CCDC80: variants seen among roughly 807,000 people sequenced by gnomAD.
The protein encoded by CCDC80 is coiled-coil domain-containing protein 80.
In CCDC80, 49 loss-of-function variants were observed where a neutral mutation model predicts 78.7. The observed-to-expected ratio is 0.62, with a 90% CI of 0.50 to 0.79. The LOEUF (loss-of-function observed/expected upper bound fraction) is 0.79. Among genes scored for constraint, CCDC80 ranks in the 30% least tolerant of loss-of-function variants. The pLI, the probability that CCDC80 is intolerant of heterozygous loss-of-function variation, is 0.00. For synonymous variants in CCDC80, 488 were observed against 447.0 expected (o/e 1.09, Z -1.16); for missense variants, 1,205 against 1,198.6 (o/e 1.01, Z -0.08).
chr3:112,610,757 A>G (rs932689510), intron 5 of CCDC80, among the ~76,000 whole-genome samples: 4 of 152,192 alleles, frequency 2.6e-5, no homozygotes, highest in Admixed American at 6.5e-5. Context: ...GCCTAGAACC[A>G]TAAGATTTTA....
chr3:112,617,331 T>G (rs554008450), intron 4 of CCDC80, among the ~76,000 whole-genome samples: 1 of 152,362 alleles, frequency 6.6e-6, no homozygotes, highest in South Asian at 2.1e-4. Flanking sequence ...TAAACATCAC[T>G]TAATATTAAG....
intron 3 of CCDC80, among the ~76,000 whole-genome samples, 173 bp downstream of exon 3, chr3:112,629,940 C>A (rs1170447187): frequency 1.3e-5 from 2 of 152,192 alleles, no homozygotes; most frequent in Non-Finnish European, 2.9e-5. Flanking sequence ...TAAACGAGAA[C>A]CATCCTGGAA....
chr3:112,637,373 G>C (rs1050044925), intron 2 of CCDC80, among the ~76,000 whole-genome samples: 1 of 152,156 alleles, frequency 6.6e-6, no homozygotes, highest in Non-Finnish European at 1.5e-5. Flanking sequence ...TAGGCTTTAA[G>C]GGGAGAAGAT....
intron 5 of CCDC80, among the ~76,000 whole-genome samples, chr3:112,613,630 C>T (rs964721593): frequency 6.6e-6 from 1 of 152,122 alleles, no homozygotes; most frequent in Non-Finnish European, 1.5e-5. Flanking sequence ...TAAAAAGACA[C>T]TCTACCTAGG....
intron 4 of CCDC80, among the ~76,000 whole-genome samples, chr3:112,618,555 C>G (rs781395027): frequency 6.6e-6 from 1 of 151,928 alleles, no homozygotes; most frequent in Non-Finnish European, 1.5e-5. Context: ...CAACCCCAAA[C>G]TCTTGTCCAC....
chr3:112,608,166 G>A (rs989609077), intron 6 of CCDC80, among the ~76,000 whole-genome samples: 2 of 152,190 alleles, frequency 1.3e-5, no homozygotes, highest in African/African-American at 2.4e-5. Flanking sequence ...GAGGACAAAG[G>A]GGCTGTCAAG....
chr3:112,619,105 C>A lies in CCDC80; in HGVS notation c.2036-1G>T. 1 of 1,567,652 alleles carries A rather than the reference C, an allele frequency of 6.4e-7. No individual in the cohort carries two copies. The highest frequency in any genetic ancestry group is 8.6e-7 in the Non-Finnish European group (1 of 1,161,034). On this transcript the variant is annotated splice_acceptor_variant, in intron 3 of 7. Transcript: ENST00000206423. LOFTEE classifies it high-confidence loss of function. ...ACCACTCGCATGGGCTTCTCATTATCTTAAGGGAAATAAAATGTGAATGAA... is the reference window on the plus strand; with the variant it reads ...ACCACTCGCATGGGCTTCTCATTATATTAAGGGAAATAAAATGTGAATGAA...
chr3:112,634,991 T>C (rs1344449288), intron 2 of CCDC80, among the ~76,000 whole-genome samples: 2 of 152,348 alleles, frequency 1.3e-5, no homozygotes, highest in Middle Eastern at 3.4e-3. Flanking sequence ...CTTGGCAAAG[T>C]ACCTTGCAGG....
intron 2 of CCDC80, among the ~76,000 whole-genome samples, chr3:112,631,763 C>G (rs143878059): frequency 1.4e-4 from 22 of 152,164 alleles, no homozygotes; most frequent in African/African-American, 5.1e-4. Flanking sequence ...TTGCTACCTG[C>G]AGGCTTTCCC....
At chr3:112,632,643 C>A (rs943093366) in intron 2 of CCDC80, among the ~76,000 whole-genome samples, 2 of 152,200 alleles carry the variant, frequency 1.3e-5, no homozygotes. Context: ...TTATCCTCCC[C>A]TGTGTGGTAG....
At chr3:112,626,264 T>C (rs1935970657) in intron 3 of CCDC80, among the ~76,000 whole-genome samples, 1 of 152,184 alleles carries the variant, frequency 6.6e-6, no homozygotes, top group South Asian at 2.1e-4. Context: ...ACAGCCACTG[T>C]GTGGAAGTCT....
At chr3:112,608,844 CCTTT>C (rs1442045792) in intron 6 of CCDC80, among the ~76,000 whole-genome samples, 2 of 152,052 alleles carry the variant, frequency 1.3e-5, no homozygotes, top group African/African-American at 2.4e-5. Context: ...TTTTGGCCTT[CCTTT>C]GAGTTATTTC....
intron 6 of CCDC80, 115 bp from the exon 7 acceptor site, chr3:112,607,371 C>G: frequency 4.6e-6 from 3 of 656,616 alleles, no homozygotes; most frequent in Non-Finnish European, 5.0e-6. Context: ...GAATATAGAG[C>G]ATAACCCGAT....
intron 3 of CCDC80, among the ~76,000 whole-genome samples, chr3:112,622,625 C>T (rs1013922457): frequency 1.3e-5 from 2 of 151,952 alleles, no homozygotes; most frequent in African/African-American, 4.8e-5. Context: ...GATTACAGGG[C>T]TTAGAAAGAA....
rs115023197 is a variant in CCDC80 at position 112,611,738 on chromosome 3, C to T, written c.2322-1657G>A. On this transcript the variant is annotated intron_variant, in intron 5 of 7. Coordinates refer to ENST00000206423, the MANE Select transcript of CCDC80 (RefSeq NM_199511.3). ...CTAAGGGGCAACTGTATAGCGTTGT[C>T]TCAACTTCCATCTTCACTGGTGTTT... Among the ~76,000 whole-genome samples, 1,262 of 152,326 alleles carry T rather than the reference C, an allele frequency of 8.3e-3. 21 individuals carry two copies. Among genetic ancestry groups the T allele is most frequent in the African/African-American group, 0.029 (1,202 of 41,570 alleles).
At chr3:112,619,561 G>A (rs554730943) in intron 3 of CCDC80, among the ~76,000 whole-genome samples, 1 of 152,238 alleles carries the variant, frequency 6.6e-6, no homozygotes, top group African/African-American at 2.4e-5. Flanking sequence ...ATTAACTTTG[G>A]GACCCAGTAA....
intron 3 of CCDC80, among the ~76,000 whole-genome samples, chr3:112,623,813 G>A (rs1935914185): frequency 6.6e-6 from 1 of 151,980 alleles, no homozygotes; most frequent in African/African-American, 2.4e-5. Flanking sequence ...CTGGAATGCT[G>A]TCCACATGAG....
intron 5 of CCDC80, among the ~76,000 whole-genome samples, chr3:112,612,096 G>A (rs926478445): frequency 1.5e-4 from 22 of 149,722 alleles, no homozygotes; most frequent in African/African-American, 5.2e-4. Flanking sequence ...CTCTACTGAG[G>A]ACAGGGAGCT....
chr3:112,602,379 T>A lies in CCDC80; in HGVS notation c.*3038A>T, dbSNP rs1017501892. On this transcript the variant is annotated 3_prime_UTR_variant, in exon 8 of 8. Coordinates refer to ENST00000206423, the MANE Select transcript of CCDC80 (RefSeq NM_199511.3). ...TCCAGGTATTTCAAGTGAGAGGAAG[T>A]TGCAATCTTTCACTTTAAATCAAAA... 2.6e-5 allele frequency: 4 copies of A among 152,160 alleles called. No homozygotes were observed. The highest frequency in any genetic ancestry group is 7.2e-5 in the African/African-American group (3 of 41,440). The allele number at this position is 152,160 out of a possible 1,614,324, so 9.4% of individuals were successfully genotyped here. A position where few individuals can be genotyped will look rare whatever the true frequency, so the allele number is the denominator to read the frequency against.
Sources: gnomAD v4.1 joint callset for allele counts (sites outside exome capture counted in the v4.1 genomes callset) on GRCh38, gnomAD v4.1.1 for gene constraint, MANE v1.5 for transcripts, NCBI Gene and HGNC (gene_info 2026-07-23, HGNC 2026-07-21) for gene names.